The following WWOX variants were observed in gnomAD, a reference collection of about 807,000 sequenced individuals.
WWOX encodes WW domain containing oxidoreductase.
In WWOX, 69 loss-of-function variants were observed where a neutral mutation model predicts 46.2. The ratio of observed to expected loss-of-function variants is 1.49; its 90% CI spans 1.23 to 1.82. The LOEUF is 1.82. WWOX is among the 40% of genes most tolerant of loss of function. WWOX has a pLI of 0.00. For missense variants in WWOX, 919 were observed against 542.6 expected (o/e 1.69, Z -6.89); for synonymous variants, 359 against 202.6 (o/e 1.77, Z -6.56).
chr16:78,960,853 T>C (rs562927527), intron 8 of WWOX, among the ~76,000 whole-genome samples: 1 of 152,348 alleles, frequency 6.6e-6, no homozygotes, highest in Admixed American at 6.5e-5. Context: ...GTTGCTTTAT[T>C]TACTGTATAC....
chr16:78,873,157 G>A (rs1159289757), intron 8 of WWOX: 1 of 152,136 alleles, frequency 6.6e-6, no homozygotes, highest in Non-Finnish European at 1.5e-5. Context: ...TTGGTTCCAT[G>A]CGTATTCAGT....
intron 5 of WWOX, among the ~76,000 whole-genome samples, chr16:78,357,778 G>C (rs1332351190): frequency 6.6e-6 from 1 of 152,082 alleles, no homozygotes; most frequent in Non-Finnish European, 1.5e-5. Context: ...ACTCTTGCTG[G>C]GTATGTGTAA....
intron 8 of WWOX, among the ~76,000 whole-genome samples, chr16:79,037,878 C>T (rs947964344): frequency 2.0e-5 from 3 of 152,024 alleles, no homozygotes; most frequent in African/African-American, 7.2e-5. Context: ...CCGACTGTGC[C>T]AGTAGAAATG....
At chr16:79,129,550 T>G (rs1335292744) in intron 8 of WWOX, among the ~76,000 whole-genome samples, 2 of 151,786 alleles carry the variant, frequency 1.3e-5, no homozygotes, top group Non-Finnish European at 2.9e-5. Flanking sequence ...GACTGCTGTA[T>G]TTATGCTTAA....
intron 8 of WWOX, among the ~76,000 whole-genome samples, chr16:79,060,443 A>G (rs2048338380): frequency 1.3e-5 from 2 of 152,230 alleles, no homozygotes; most frequent in African/African-American, 4.8e-5. Context: ...ATGCCACTGA[A>G]GATGGATAGA....
chr16:79,120,301 G>T (rs552519896), intron 8 of WWOX, among the ~76,000 whole-genome samples: 36 of 152,268 alleles, frequency 2.4e-4, no homozygotes, highest in African/African-American at 7.0e-4. Context: ...CATTCTCAAG[G>T]TATGCTCAAG....
At chr16:78,134,056 T>A (rs948487743) in intron 4 of WWOX, among the ~76,000 whole-genome samples, 1 of 152,224 alleles carries the variant, frequency 6.6e-6, no homozygotes, top group African/African-American at 2.4e-5. Context: ...ATGGTACGGC[T>A]CTATGTGTCT....
intron 8 of WWOX, among the ~76,000 whole-genome samples, chr16:78,570,246 A>ATACGCAAGTT (rs1325242704): frequency 1.3e-5 from 2 of 152,194 alleles, no homozygotes; most frequent in Non-Finnish European, 2.9e-5. Flanking sequence ...CAAGTGTTTT[A>ATACGCAAGTT]TTAATATAAA....
At chr16:78,633,438 A>T (rs895845253) in intron 8 of WWOX, among the ~76,000 whole-genome samples, 2 of 152,102 alleles carry the variant, frequency 1.3e-5, no homozygotes, top group South Asian at 4.1e-4. Flanking sequence ...TGAGCAGGTG[A>T]TACTGCATTT....
At chr16:78,653,234 T>G (rs1284913273) in intron 8 of WWOX, among the ~76,000 whole-genome samples, 1 of 152,224 alleles carries the variant, frequency 6.6e-6, no homozygotes, top group Non-Finnish European at 1.5e-5. Context: ...GATTACACCA[T>G]GTAAATGAAT....
chr16:78,559,870 C>G (rs572862078), intron 8 of WWOX, among the ~76,000 whole-genome samples: 8 of 152,202 alleles, frequency 5.3e-5, no homozygotes, highest in Non-Finnish European at 1.2e-4. Flanking sequence ...CCCCCTCTAT[C>G]TCATACTTTA....
chr16:78,898,301 T>A (rs999017624), intron 8 of WWOX: 7 of 152,184 alleles, frequency 4.6e-5, no homozygotes, highest in African/African-American at 1.7e-4. Flanking sequence ...ATGTTCCATC[T>A]CAAATTAATT....
At chr16:78,508,286 T>C (rs1259981018) in intron 8 of WWOX, among the ~76,000 whole-genome samples, 8 of 148,054 alleles carry the variant, frequency 5.4e-5, no homozygotes, top group Non-Finnish European at 8.9e-5. Context: ...GCTGGGATTA[T>C]AGGCGTGAGC....
intron 8 of WWOX, among the ~76,000 whole-genome samples, chr16:79,015,421 C>T (rs1339307584): frequency 6.6e-6 from 1 of 152,162 alleles, no homozygotes; most frequent in Non-Finnish European, 1.5e-5. Flanking sequence ...CAATATTTTC[C>T]TTCCAAGTGA....
intron 5 of WWOX, among the ~76,000 whole-genome samples, chr16:78,292,137 G>T (rs1376077448): frequency 6.7e-6 from 1 of 148,344 alleles, no homozygotes; most frequent in Non-Finnish European, 1.5e-5. Context: ...TGCAATCTCA[G>T]CTCATTAACC....
intron 5 of WWOX, among the ~76,000 whole-genome samples, chr16:78,318,462 C>G (rs571942593): frequency 1.3e-5 from 2 of 151,996 alleles, no homozygotes; most frequent in African/African-American, 2.4e-5. Context: ...TCTGTTGTTT[C>G]CTAATTGTTG....
At chr16:78,990,580 A>G (rs757205226) in intron 8 of WWOX, among the ~76,000 whole-genome samples, 5 of 152,232 alleles carry the variant, frequency 3.3e-5, no homozygotes, top group Non-Finnish European at 5.9e-5. Context: ...CCCCAGGGTA[A>G]TTCCATCACC....
chr16:78,184,497 A>G (rs998506037), intron 5 of WWOX, among the ~76,000 whole-genome samples: 27 of 152,106 alleles, frequency 1.8e-4, no homozygotes, highest in African/African-American at 6.5e-4. Context: ...AGGAAAATGG[A>G]TGAATTAAAA....
intron 8 of WWOX, among the ~76,000 whole-genome samples, chr16:79,185,039 C>T (rs529082550): frequency 3.9e-5 from 6 of 152,266 alleles, no homozygotes; most frequent in South Asian, 4.2e-4. Flanking sequence ...ATTTGATTAA[C>T]GCTCACCTTC....
Sources: allele counts gnomAD v4.1 joint callset (sites outside exome capture counted in the v4.1 genomes callset), GRCh38; gene constraint gnomAD v4.1.1; transcripts MANE v1.5; gene names NCBI Gene and HGNC (gene_info 2026-07-23, HGNC 2026-07-21).